Variants in SMYD3 observed in about 807,000 individuals in gnomAD.
SMYD3 encodes the protein histone-lysine N-methyltransferase SMYD3.
SMYD3 carries 36 observed loss-of-function variants against 57.7 expected under a neutral mutation model. The observed-to-expected ratio is 0.62, with a 90% confidence interval of 0.48 to 0.82. SMYD3 has a LOEUF of 0.82. Ranked by LOEUF, SMYD3 falls within the 40% of genes least tolerant of loss-of-function variation. The pLI is 0.00. For missense variants in SMYD3, 515 were observed against 538.8 expected, an observed-to-expected ratio of 0.96 and a Z score of 0.44; for synonymous variants, 211 against 195.0, an observed-to-expected ratio of 1.08 and a Z score of -0.68.
At chr1:245,932,900 C>A (rs983738777) in intron 5 of SMYD3, among the ~76,000 whole-genome samples, 1 of 152,164 alleles carries the variant, frequency 6.6e-6, no homozygotes, top group African/African-American at 2.4e-5. Flanking sequence ...GTTAGTCTTT[C>A]TGGGCTAGTA....
At chr1:246,079,957 C>T (rs971378570) in intron 5 of SMYD3, among the ~76,000 whole-genome samples, 38 of 152,024 alleles carry the variant, frequency 2.5e-4, no homozygotes, top group Non-Finnish European at 3.8e-4. Flanking sequence ...GGTAACCTAA[C>T]GGCAGATAAG....
At chr1:246,017,223 T>C (rs1270190413) in intron 5 of SMYD3, among the ~76,000 whole-genome samples, 4 of 152,218 alleles carry the variant, frequency 2.6e-5, no homozygotes, top group African/African-American at 9.6e-5. Context: ...TAGAATAGTA[T>C]AACTTATTTT....
At chr1:245,878,677 C>T (rs904410412) in intron 8 of SMYD3, among the ~76,000 whole-genome samples, 2 of 152,148 alleles carry the variant, frequency 1.3e-5, no homozygotes, top group African/African-American at 4.8e-5. Flanking sequence ...GACAACTTGG[C>T]AAGGAGGAAG....
chr1:245,791,607 G>C (rs2047273246), intron 10 of SMYD3, among the ~76,000 whole-genome samples: 1 of 139,664 alleles, frequency 7.2e-6, no homozygotes, highest in Non-Finnish European at 1.6e-5. Flanking sequence ...GGAGAGGACG[G>C]GAGAAAGAGA....
intron 2 of SMYD3, among the ~76,000 whole-genome samples, chr1:246,353,523 T>C (rs1338499111): frequency 6.6e-6 from 1 of 151,934 alleles, no homozygotes; most frequent in Non-Finnish European, 1.5e-5. Flanking sequence ...AGCAAGACTG[T>C]CCCCAAATAA....
intron 5 of SMYD3, among the ~76,000 whole-genome samples, chr1:246,001,487 T>C (rs145570413): frequency 0.014 from 2,057 of 152,084 alleles, 58 homozygotes; most frequent in African/African-American, 0.047. Flanking sequence ...ATGGGGTATG[T>C]GGCATCCATC....
chr1:246,120,812 C>T (rs991215589), intron 5 of SMYD3, among the ~76,000 whole-genome samples: 1 of 152,292 alleles, frequency 6.6e-6, no homozygotes, highest in Admixed American at 6.5e-5. Flanking sequence ...TAGTTATGTA[C>T]ACATCTGTCT....
chr1:246,010,841 T>A (rs1175895018), intron 5 of SMYD3, among the ~76,000 whole-genome samples: 11 of 152,180 alleles, frequency 7.2e-5, no homozygotes, highest in South Asian at 2.1e-4. Context: ...TCAAAAACAT[T>A]AAGCTAAAGA....
At chr1:246,190,178 C>T (rs78944683) in intron 5 of SMYD3, among the ~76,000 whole-genome samples, 3,916 of 152,282 alleles carry the variant, frequency 0.026, 211 homozygotes, top group East Asian at 0.22. Flanking sequence ...TACATAATCG[C>T]TCTCAATCTG....
chr1:246,336,586 A>G (rs1280429958), intron 2 of SMYD3, among the ~76,000 whole-genome samples: 1 of 152,220 alleles, frequency 6.6e-6, no homozygotes, highest in East Asian at 1.9e-4. Flanking sequence ...ACATATTAAA[A>G]TTATGGAAGG....
intron 8 of SMYD3, among the ~76,000 whole-genome samples, chr1:245,891,063 G>C (rs549389801): frequency 4.6e-5 from 7 of 152,352 alleles, no homozygotes; most frequent in African/African-American, 1.7e-4. Context: ...ATGGTTACCA[G>C]AGCCTGGGAA....
At chr1:246,426,704 A>G (rs560205133) in intron 1 of SMYD3, among the ~76,000 whole-genome samples, 2 of 152,312 alleles carry the variant, frequency 1.3e-5, no homozygotes. Flanking sequence ...TACTGCCAGT[A>G]CAATGGTCCC....
intron 5 of SMYD3, among the ~76,000 whole-genome samples, chr1:246,232,044 T>A (rs527811186): frequency 6.6e-6 from 1 of 152,298 alleles, no homozygotes; most frequent in East Asian, 1.9e-4. Context: ...AGCACTTTGA[T>A]CCTTTCCGAG....
intron 10 of SMYD3, among the ~76,000 whole-genome samples, chr1:245,821,175 C>G (rs1383294537): frequency 1.3e-5 from 2 of 150,090 alleles, no homozygotes; most frequent in East Asian, 2.0e-4. Flanking sequence ...ACCAAAACAG[C>G]ATGGTACTGG....
chr1:246,405,353 G>C (rs953474797), intron 1 of SMYD3, among the ~76,000 whole-genome samples: 3 of 152,042 alleles, frequency 2.0e-5, no homozygotes, highest in Non-Finnish European at 4.4e-5. Flanking sequence ...ATTTGTGTTG[G>C]TAACACTCAA....
chr1:245,917,424 A>C (rs1216935871), intron 7 of SMYD3, among the ~76,000 whole-genome samples: 2 of 152,232 alleles, frequency 1.3e-5, no homozygotes, highest in African/African-American at 4.8e-5. Flanking sequence ...CGTCATAGGT[A>C]GAGAAGCAAT....
At chr1:246,109,040 T>C (rs1023816390) in intron 5 of SMYD3, among the ~76,000 whole-genome samples, 10 of 152,348 alleles carry the variant, frequency 6.6e-5, no homozygotes, top group African/African-American at 2.4e-4. Flanking sequence ...GCATTCATTA[T>C]ATTGGTATAA....
chr1:246,361,139 A>G lies in SMYD3; in HGVS notation c.165-6045T>C, dbSNP rs184345556. ...TTCCATCAAAAAGTGGGCTAAAGAC[A>G]TGGACAGACAATTCTCAAAAGAAGA... On this transcript the variant is annotated intron_variant, in intron 1 of 11. Transcript: ENST00000490107. Among the ~76,000 whole-genome samples, 376 of 152,344 alleles carry G rather than the reference A, an allele frequency of 2.5e-3. 1 individual carries two copies. Among genetic ancestry groups the G allele is most frequent in the Non-Finnish European group, 4.0e-3 (273 of 68,026 alleles).
At chr1:246,102,236 T>G (rs2061028151) in intron 5 of SMYD3, among the ~76,000 whole-genome samples, 1 of 152,164 alleles carries the variant, frequency 6.6e-6, no homozygotes, top group African/African-American at 2.4e-5. Flanking sequence ...CACCTCGATG[T>G]CCTACCAATT....
Sources: allele counts gnomAD v4.1 joint callset (sites outside exome capture counted in the v4.1 genomes callset), GRCh38; gene constraint gnomAD v4.1.1; transcripts MANE v1.5; gene names NCBI Gene and HGNC (gene_info 2026-07-23, HGNC 2026-07-21).